Variants in TSHZ1 observed in about 807,000 individuals in gnomAD.
The protein encoded by TSHZ1 is teashirt zinc finger homeobox 1.
In TSHZ1, 12 loss-of-function variants were observed where a neutral mutation model predicts 67.1. The observed-to-expected ratio is 0.18, with a 90% confidence interval of 0.11 to 0.29. The LOEUF is 0.29. TSHZ1 is among the 10% of genes least tolerant of loss of function. TSHZ1 has a pLI of 1.00. For missense variants in TSHZ1, 1,305 were observed against 1,413.9 expected, an observed-to-expected ratio of 0.92 and a Z score of 1.23; for synonymous variants, 632 against 622.4, an observed-to-expected ratio of 1.02 and a Z score of -0.23.
At chr18:75,285,415 T>C in intron 1 of TSHZ1, 33 bp from the exon 2 acceptor site, 2 of 1,427,000 alleles carry the variant, frequency 1.4e-6, no homozygotes, top group Non-Finnish European at 1.8e-6. Context: ...GATGATTTAC[T>C]TCTTCTAACT....
chr18:75,258,991 C>T (rs2023397143), intron 1 of TSHZ1, among the ~76,000 whole-genome samples: 1 of 152,188 alleles, frequency 6.6e-6, no homozygotes, highest in East Asian at 1.9e-4. Flanking sequence ...CAAAGAAGGT[C>T]ACTCATCTTT....
At chr18:75,263,991 A>G (rs756677750) in intron 1 of TSHZ1, among the ~76,000 whole-genome samples, 2 of 152,224 alleles carry the variant, frequency 1.3e-5, no homozygotes, top group Non-Finnish European at 2.9e-5. Flanking sequence ...TTGTCCATCA[A>G]TTCCACCCAT....
In TSHZ1 at chr18:75,286,106, C is replaced by T. The variant is rs1372010188; in HGVS notation, c.699C>T (p.Asn233=). 1.2e-6 allele frequency: 2 copies of T among 1,612,086 alleles called. No individual in the cohort carries two copies. Among genetic ancestry groups the T allele is most frequent in the South Asian group, 2.2e-5 (2 of 91,024 alleles). The change falls in exon 2 of 2, where the codon AAC becomes AAT. Residue 233 remains asparagine (N), a synonymous_variant. Coordinates refer to ENST00000580243, the MANE Select transcript of TSHZ1 (RefSeq NM_001308210.2). The surrounding 1 kb of genome is among the most constrained non-coding windows in gnomAD (Gnocchi z 5.1). The stretch of plus-strand genomic sequence containing the variant: ...CCGTGCAGCTCTACCGCCAGAACAA[C>T]AAGCTCTACGGCTCCGTCTTCACGG... ...FSTVQLYRQN[N]KLYGSVFTGA... is the part of the protein sequence containing the mutation.
chr18:75,252,977 G>A (rs1224354638), intron 1 of TSHZ1, among the ~76,000 whole-genome samples: 1 of 152,148 alleles, frequency 6.6e-6, no homozygotes, highest in Non-Finnish European at 1.5e-5. Context: ...TAATTTGACT[G>A]AAATGGTATT....
At chr18:75,222,183 T>C (rs2022854877) in intron 1 of TSHZ1, among the ~76,000 whole-genome samples, 2 of 151,716 alleles carry the variant, frequency 1.3e-5, no homozygotes, top group South Asian at 2.1e-4. Flanking sequence ...GGGGTTGTGC[T>C]ACCTTGCAGC....
intron 1 of TSHZ1, among the ~76,000 whole-genome samples, chr18:75,241,374 C>T (rs2023154176): frequency 6.6e-6 from 1 of 152,176 alleles, no homozygotes; most frequent in South Asian, 2.1e-4. Flanking sequence ...ATAGGACTGG[C>T]TAGCTGGGGC....
At position 75,286,184 on chromosome 18, in the gene TSHZ1, G is replaced by A. The variant is rs148422389; in HGVS notation, c.777G>A (p.Val259=). The A allele has an allele frequency of 6.3e-4, 1,011 of 1,614,130 alleles. 10 individuals are homozygous for A. In the African/African-American group the frequency reaches 0.012, roughly 20 times the overall value. Residue 259 remains valine, a synonymous_variant, in exon 2 of 2, where the codon GTG becomes GTA. Coordinates refer to ENST00000580243, the MANE Select transcript of TSHZ1 (RefSeq NM_001308210.2). The surrounding 1 kb of genome is among the most constrained non-coding windows in gnomAD (Gnocchi z 5.1). ...KDCSAAYDTL[V]ELTVHMNETG... is the part of the protein sequence containing the mutation. ...GCAGTGCCGCGTACGACACGCTGGT[G>A]GAACTGACGGTGCACATGAACGAGA... is the stretch of plus-strand genomic sequence containing the variant.
chr18:75,250,375 A>G (rs1434793432), intron 1 of TSHZ1, among the ~76,000 whole-genome samples: 1 of 152,176 alleles, frequency 6.6e-6, no homozygotes. Flanking sequence ...AGTGTTTTCT[A>G]GAAGCTTTGC....
intron 1 of TSHZ1, among the ~76,000 whole-genome samples, chr18:75,238,891 T>C (rs900640147): frequency 1.3e-5 from 2 of 152,240 alleles, no homozygotes; most frequent in African/African-American, 4.8e-5. Flanking sequence ...GGTAATTCAG[T>C]CATTCCTTTA....
rs769765904 is a variant in TSHZ1, at chr18:75,247,746, ACACT to A, written c.40+35834_40+35837del. 5.0e-3 allele frequency among the ~76,000 whole-genome samples: 760 copies of A among 152,334 alleles called. 5 individuals carry two copies. The highest frequency in any genetic ancestry group is 0.017 in the African/African-American group (714 of 41,570). On this transcript the variant is annotated intron_variant, in intron 1 of 1. Coordinates refer to ENST00000580243, the MANE Select transcript of TSHZ1 (RefSeq NM_001308210.2). Reference sequence around the variant, plus strand: ...CACACACTCATATGTGAGCACACACACACTCACCCACAGCAGAGAAGCACAGCTT... The same window carrying A: ...CACACACTCATATGTGAGCACACACACACCCACAGCAGAGAAGCACAGCTT...
chr18:75,262,348 C>T (rs2023440379), intron 1 of TSHZ1, among the ~76,000 whole-genome samples: 1 of 152,152 alleles, frequency 6.6e-6, no homozygotes, highest in Admixed American at 6.5e-5. Flanking sequence ...GACACTGAGT[C>T]ATATTAAAGA....
rs2023744388 is a variant in TSHZ1 at position 75,285,679 on chromosome 18, C to G, written c.272C>G (p.Ser91Cys). 1.2e-6 allele frequency: 2 copies of G among 1,614,126 alleles called. No individual in the cohort carries two copies. The highest frequency in any genetic ancestry group is 2.7e-5 in the African/African-American group (2 of 75,046). ...SSDQLAHFKG[S>C]SSREEKEDPQ... ...GACCAGCTAGCCCATTTCAAAGGCT[C>G]TTCCTCTCGAGAAGAGAAGGAGGAT... The change falls in exon 2 of 2, where the codon TCT becomes TGT. Residue 91 changes from serine to cysteine, a missense_variant. By Grantham distance (112) the Ser-to-Cys change is moderately radical. Coordinates refer to ENST00000580243, the MANE Select transcript of TSHZ1 (RefSeq NM_001308210.2).
chr18:75,271,628 C>T (rs1409069358), intron 1 of TSHZ1, among the ~76,000 whole-genome samples: 3 of 152,142 alleles, frequency 2.0e-5, no homozygotes, highest in Non-Finnish European at 4.4e-5. Flanking sequence ...TGAGCCCCCG[C>T]GTCTCTAACT....
chr18:75,210,828 A>C lies in TSHZ1; in HGVS notation c.-1049A>C, dbSNP rs1354430944. 1 of 147,156 alleles carries C rather than the reference A, an allele frequency of 6.8e-6. No homozygotes were observed. Among genetic ancestry groups the C allele is most frequent in the Non-Finnish European group, 1.5e-5 (1 of 67,002 alleles). 9.1% of individuals were successfully genotyped at this position (147,156 alleles called of 1,614,324 possible). A position where few individuals can be genotyped will look rare whatever the true frequency, so the allele number is the denominator to read the frequency against. ...GACTGTCTGAAAGCTCTGCGATCCG[A>C]ATGTGTGTTATATTTCACTGAAAAG... is the stretch of plus-strand genomic sequence containing the variant. On this transcript the variant is annotated 5_prime_UTR_variant, in exon 1 of 2. Coordinates refer to ENST00000580243, the MANE Select transcript of TSHZ1 (RefSeq NM_001308210.2).
At chr18:75,264,678 A>G (rs1306623956) in intron 1 of TSHZ1, among the ~76,000 whole-genome samples, 1 of 152,190 alleles carries the variant, frequency 6.6e-6, no homozygotes, top group African/African-American at 2.4e-5. Context: ...AAGGCCAGCT[A>G]CTGCGTTCAA....
intron 1 of TSHZ1, among the ~76,000 whole-genome samples, chr18:75,213,468 G>T (rs2022725148): frequency 6.6e-6 from 1 of 151,990 alleles, no homozygotes; most frequent in Non-Finnish European, 1.5e-5. Context: ...ACAGTTAGAG[G>T]GATTTTTTTT....
chr18:75,288,479 C>G lies in TSHZ1; in HGVS notation c.3072C>G (p.Gly1024=). 1 of 1,614,092 alleles carries G rather than the reference C, an allele frequency of 6.2e-7. No individual in the cohort carries two copies. Among genetic ancestry groups the G allele is most frequent in the Non-Finnish European group, 8.5e-7 (1 of 1,180,016 alleles). The stretch of plus-strand genomic sequence containing the variant: ...AAGTCCTCACCAACAAAACTCTGGG[C>G]CCACTGGGGGCCACCGAGGAAGACT... ...VSKVLTNKTL[G]PLGATEEDLG... is the part of the protein sequence containing the mutation. Residue 1024 remains glycine, a synonymous_variant, in exon 2 of 2, where the codon GGC becomes GGG. Transcript: ENST00000580243. This position sits in a 1 kb window ranked among gnomAD's most constrained non-coding sequence, Gnocchi z 4.9.
intron 1 of TSHZ1, among the ~76,000 whole-genome samples, chr18:75,226,959 G>A (rs539060609): frequency 4.0e-4 from 61 of 152,260 alleles, no homozygotes; most frequent in African/African-American, 1.4e-3. Context: ...GCCTGGGAAG[G>A]TTCTGAGACC....
chr18:75,233,367 C>T (rs2023024536), intron 1 of TSHZ1, among the ~76,000 whole-genome samples: 1 of 152,148 alleles, frequency 6.6e-6, no homozygotes, highest in Non-Finnish European at 1.5e-5. Flanking sequence ...AAAACTTCCC[C>T]TAACAACGTT....
Sources: gnomAD v4.1 joint callset for allele counts (sites outside exome capture counted in the v4.1 genomes callset) on GRCh38, gnomAD v4.1.1 for gene constraint, Gnocchi (gnomAD v3.1) non-coding constraint, MANE v1.5 for transcripts, NCBI Gene and HGNC (gene_info 2026-07-23, HGNC 2026-07-21) for gene names.